PTPRM: variants seen among roughly 807,000 people sequenced by gnomAD.
The protein encoded by PTPRM is protein tyrosine phosphatase receptor type M, also known as receptor-type tyrosine-protein phosphatase mu.
In PTPRM, 47 loss-of-function variants were observed where a neutral mutation model predicts 186.7. That is an observed-to-expected ratio of 0.25 (90% CI 0.20 to 0.32). The LOEUF is 0.32. Ranked by LOEUF, PTPRM falls within the 10% of genes least tolerant of loss-of-function variation. The probability of loss-of-function intolerance (pLI) is 1.00; values close to 1 mark genes in which losing one functional copy is unlikely to be tolerated. For synonymous variants in PTPRM, 668 were observed against 674.9 expected, an observed-to-expected ratio of 0.99 and a Z score of 0.16; for missense variants, 1,494 against 1,865.0, an observed-to-expected ratio of 0.80 and a Z score of 3.66.
At chr18:7,705,311 C>G (rs557556853) in intron 1 of PTPRM, among the ~76,000 whole-genome samples, 12 of 151,630 alleles carry the variant, frequency 7.9e-5, no homozygotes, top group African/African-American at 2.4e-5. Flanking sequence ...ATCTATCTAT[C>G]TATCTATCTA....
At chr18:8,369,981 A>G (rs1295954517) in intron 23 of PTPRM, among the ~76,000 whole-genome samples, 1 of 152,110 alleles carries the variant, frequency 6.6e-6, no homozygotes, top group East Asian at 1.9e-4. Flanking sequence ...AACAAATAAA[A>G]AACATTAAAT....
At chr18:8,405,820 T>C (rs1220906173) in intron 32 of PTPRM, among the ~76,000 whole-genome samples, 1 of 152,228 alleles carries the variant, frequency 6.6e-6, no homozygotes, top group African/African-American at 2.4e-5. Context: ...CATGTTGATA[T>C]CCTGGAAAAT....
At chr18:8,266,283 A>G (rs2094699399) in intron 19 of PTPRM, among the ~76,000 whole-genome samples, 1 of 149,974 alleles carries the variant, frequency 6.7e-6, no homozygotes. Context: ...CTTAAGAATC[A>G]TGGGCAACCC....
At chr18:8,219,921 T>TA (rs1224945906) in intron 14 of PTPRM, among the ~76,000 whole-genome samples, 1 of 152,192 alleles carries the variant, frequency 6.6e-6, no homozygotes, top group Non-Finnish European at 1.5e-5. Context: ...TAGTCAATCT[T>TA]ATGATCTCTA....
intron 1 of PTPRM, chr18:7,741,248 C>T (rs2040878800): frequency 6.6e-6 from 1 of 152,134 alleles, no homozygotes; most frequent in South Asian, 2.1e-4. Context: ...GTTCCGTGAA[C>T]ATGTTCTTTC....
At chr18:7,624,072 A>G (rs62089801) in intron 1 of PTPRM, among the ~76,000 whole-genome samples, 191 of 152,276 alleles carry the variant, frequency 1.3e-3, no homozygotes, top group Admixed American at 3.0e-3. Context: ...ACTGGAAACT[A>G]TTATACAGAT....
intron 1 of PTPRM, among the ~76,000 whole-genome samples, chr18:7,739,247 T>C (rs1242804035): frequency 6.6e-6 from 1 of 152,298 alleles, no homozygotes; most frequent in African/African-American, 2.4e-5. Context: ...GTGGTCGACG[T>C]TGAGTTCTTT....
chr18:8,304,083 CAG>C (rs1035291314), intron 20 of PTPRM, among the ~76,000 whole-genome samples: 5 of 152,094 alleles, frequency 3.3e-5, no homozygotes, highest in Non-Finnish European at 1.5e-5. Flanking sequence ...CAGTATGTAG[CAG>C]AGAGAAAGAA....
chr18:7,914,782 G>A lies in PTPRM; in HGVS notation c.547+8199G>A, dbSNP rs149821315. Among the ~76,000 whole-genome samples the A allele has an allele frequency of 9.7e-4, 147 of 152,198 alleles. 1 individual carries two copies. The highest frequency in any genetic ancestry group is 3.1e-3 in the African/African-American group (130 of 41,542). ...TTTGCAAAATATATTGGTTCTCAGCGTTAGAGTAAGCAGTACCAGGCTGTT... is the reference window on the plus strand; with the variant it reads ...TTTGCAAAATATATTGGTTCTCAGCATTAGAGTAAGCAGTACCAGGCTGTT... On this transcript the variant is annotated intron_variant, in intron 4 of 32. Transcript: ENST00000580170.
intron 4 of PTPRM, among the ~76,000 whole-genome samples, chr18:7,922,059 TCC>T (rs556124837): frequency 1.3e-5 from 2 of 152,198 alleles, no homozygotes; most frequent in African/African-American, 4.8e-5. Flanking sequence ...CCTGTTGATT[TCC>T]CTTTTTTTCC....
chr18:8,256,639 AG>A (rs2094577490), intron 19 of PTPRM, among the ~76,000 whole-genome samples: 1 of 152,196 alleles, frequency 6.6e-6, no homozygotes, highest in East Asian at 1.9e-4. Context: ...TGTTATGGAA[AG>A]GGGTTATACT....
At chr18:8,110,477 T>C (rs1030411301) in intron 11 of PTPRM, among the ~76,000 whole-genome samples, 2 of 152,094 alleles carry the variant, frequency 1.3e-5, no homozygotes, top group Non-Finnish European at 2.9e-5. Flanking sequence ...GGCAAAGATG[T>C]TTGCAGTAGG....
At chr18:7,980,228 A>G (rs2082474139) in intron 7 of PTPRM, among the ~76,000 whole-genome samples, 1 of 151,574 alleles carries the variant, frequency 6.6e-6, no homozygotes, top group South Asian at 2.1e-4. Flanking sequence ...ATCAATCATA[A>G]ATCTCATGTA....
chr18:8,280,818 C>T (rs1334254838), intron 19 of PTPRM, among the ~76,000 whole-genome samples: 1 of 152,106 alleles, frequency 6.6e-6, no homozygotes, highest in Non-Finnish European at 1.5e-5. Context: ...CAACCAGCAC[C>T]CTGCACCTGC....
chr18:7,960,492 CA>C (rs1295060417), intron 7 of PTPRM, among the ~76,000 whole-genome samples: 2 of 147,558 alleles, frequency 1.4e-5, no homozygotes, highest in African/African-American at 5.1e-5. Context: ...CACACACACA[CA>C]CACACACACA....
chr18:7,567,843 G>A lies in PTPRM; in HGVS notation c.25G>A (p.Ala9Thr), dbSNP rs1017513840. ...CATGAGGGGACTTGGGACTTGCCTG[G>A]CGACTTTGGCCGGACTTTTGCTAAC... MRGLGTCL[A>T]TLAGLLLTAA... The change falls in exon 1 of 33, where the codon GCG (alanine) becomes ACG (threonine). Residue 9 changes from alanine to threonine, a missense_variant. This residue lies in a region of PTPRM where 296 missense variants were observed against 345.5 expected (regional missense o/e 0.86). Transcript: ENST00000580170. The surrounding 1 kb of genome is among the most constrained non-coding windows in gnomAD (Gnocchi z 4.3). 3 of 1,564,232 alleles carry A rather than the reference G, an allele frequency of 1.9e-6. No homozygotes were observed. The African/African-American group carries it at 4.3e-5, about 22-fold the overall frequency.
At chr18:7,628,869 G>T (rs1012616649) in intron 1 of PTPRM, among the ~76,000 whole-genome samples, 1 of 152,144 alleles carries the variant, frequency 6.6e-6, no homozygotes, top group African/African-American at 2.4e-5. Context: ...TCTTCTATCA[G>T]CCCAAAGAAG....
At chr18:8,141,828 T>G (rs2092773684) in intron 13 of PTPRM, among the ~76,000 whole-genome samples, 1 of 152,238 alleles carries the variant, frequency 6.6e-6, no homozygotes, top group Non-Finnish European at 1.5e-5. Context: ...TTTTAAAAAT[T>G]TGTTTTAATT....
chr18:7,594,918 A>G (rs1355430636), intron 1 of PTPRM, among the ~76,000 whole-genome samples: 3 of 152,194 alleles, frequency 2.0e-5, no homozygotes, highest in African/African-American at 7.2e-5. Context: ...CTTTTAAATG[A>G]TCATCCTCAA....
Sources: allele counts gnomAD v4.1 joint callset (sites outside exome capture counted in the v4.1 genomes callset), GRCh38; gene constraint gnomAD v4.1.1; regional missense constraint gnomAD v4.1.1; non-coding constraint Gnocchi (gnomAD v3.1); transcripts MANE v1.5; gene names NCBI Gene and HGNC (gene_info 2026-07-23, HGNC 2026-07-21).